OTOA: variants seen among roughly 807,000 people sequenced by gnomAD.
OTOA encodes the protein cancer/testis antigen 108.
A neutral mutation model predicts 110.8 loss-of-function variants in OTOA; 70 were observed. That is an observed-to-expected ratio of 0.63 (90% CI 0.52 to 0.77). The LOEUF (loss-of-function observed/expected upper bound fraction) is 0.77, where lower values mean the gene tolerates loss of function less well. Ranked by LOEUF, OTOA falls within the 30% of genes least tolerant of loss-of-function variation. The pLI is 0.00. For missense variants in OTOA, 917 were observed against 1,075.8 expected (o/e 0.85, Z 2.06); for synonymous variants, 373 against 431.5 (o/e 0.86, Z 1.68).
intron 9 of OTOA, 95 bp from the exon 10 acceptor site, chr16:21,697,680 G>C: frequency 9.0e-7 from 1 of 1,111,948 alleles, no homozygotes; most frequent in Non-Finnish European, 1.4e-6. Flanking sequence ...CAAGAAGTAG[G>C]TCTTGACAGC....
In OTOA at chr16:21,719,204, A is replaced by G. The variant is rs375660340; in HGVS notation, c.1688+13A>G. 11 of 1,613,964 alleles carry G rather than the reference A, an allele frequency of 6.8e-6. No individual in the cohort carries two copies. The African/African-American group carries it at 1.2e-4, about 18-fold the overall frequency. ...AGGAGCTTTTGAGGTAGGAAAATGTAACTCGGCCTGGGTGCTGAACAGGCC... is the reference window on the plus strand; with the variant it reads ...AGGAGCTTTTGAGGTAGGAAAATGTGACTCGGCCTGGGTGCTGAACAGGCC... On this transcript the variant is annotated intron_variant, in intron 16 of 28. Transcript: ENST00000646100.
intron 21 of OTOA, among the ~76,000 whole-genome samples, chr16:21,732,677 A>G (rs1328948334): frequency 1.3e-5 from 2 of 152,128 alleles, no homozygotes; most frequent in South Asian, 2.1e-4. Flanking sequence ...AGAGTTAAAA[A>G]AAAACCCAGA....
intron 13 of OTOA, among the ~76,000 whole-genome samples, chr16:21,710,348 A>G (rs1237216082): frequency 6.6e-6 from 1 of 152,040 alleles, no homozygotes; most frequent in Non-Finnish European, 1.5e-5. Flanking sequence ...ACCACATGAG[A>G]GCAAGCTCTC....
intron 6 of OTOA, among the ~76,000 whole-genome samples, chr16:21,683,268 C>T (rs1175784796): frequency 6.6e-6 from 1 of 152,168 alleles, no homozygotes; most frequent in East Asian, 1.9e-4. Flanking sequence ...TTACTGTGTG[C>T]TAGCAACTAT....
chr16:21,708,156 G>A (rs1424517921), intron 12 of OTOA, among the ~76,000 whole-genome samples: 1 of 152,114 alleles, frequency 6.6e-6, no homozygotes, highest in Non-Finnish European at 1.5e-5. Flanking sequence ...TCACCATAAT[G>A]TGAAATCAGT....
At chr16:21,719,684 C>G (rs1452394775) in intron 17 of OTOA, among the ~76,000 whole-genome samples, 180 bp downstream of exon 17, 1 of 152,174 alleles carries the variant, frequency 6.6e-6, no homozygotes, top group East Asian at 1.9e-4. Context: ...CAAATACCCA[C>G]ATCACTACAG....
At chr16:21,736,740 A>G (rs1349767220) in intron 22 of OTOA, among the ~76,000 whole-genome samples, 1 of 152,118 alleles carries the variant, frequency 6.6e-6, no homozygotes, top group Non-Finnish European at 1.5e-5. Flanking sequence ...CTGAGACACG[A>G]GGATTGCTTG....
At chr16:21,679,684 T>A (rs1000213672) in intron 5 of OTOA, among the ~76,000 whole-genome samples, 34 of 152,096 alleles carry the variant, frequency 2.2e-4, no homozygotes, top group African/African-American at 7.7e-4. Flanking sequence ...GGATTACAGG[T>A]GTGAGCCACC....
chr16:21,670,291 A>G (rs1758057037), intron 1 of OTOA, among the ~76,000 whole-genome samples: 1 of 151,966 alleles, frequency 6.6e-6, no homozygotes, highest in African/African-American at 2.4e-5. Context: ...TCCTACTGTT[A>G]TATCCTCTTC....
At chr16:21,717,544 A>C (rs1243600126) in intron 15 of OTOA, among the ~76,000 whole-genome samples, 2 of 152,160 alleles carry the variant, frequency 1.3e-5, no homozygotes, top group Non-Finnish European at 2.9e-5. Flanking sequence ...CATGTGCGAA[A>C]TGGGGATAAT....
chr16:21,670,963 C>A (rs1411900634), intron 1 of OTOA, among the ~76,000 whole-genome samples: 1 of 151,914 alleles, frequency 6.6e-6, no homozygotes, highest in Non-Finnish European at 1.5e-5. Context: ...ACAGATGGCC[C>A]GGGCAGGAAC....
intron 10 of OTOA, among the ~76,000 whole-genome samples, chr16:21,700,043 T>A (rs1359140929): frequency 6.6e-6 from 1 of 152,110 alleles, no homozygotes; most frequent in Non-Finnish European, 1.5e-5. Flanking sequence ...TAGATAGATA[T>A]GAGTCCTGTA....
intron 10 of OTOA, among the ~76,000 whole-genome samples, chr16:21,698,452 A>G (rs1359120656): frequency 6.6e-6 from 1 of 152,208 alleles, no homozygotes; most frequent in Non-Finnish European, 1.5e-5. Flanking sequence ...TCCCTTGGGC[A>G]TCATGATTCT....
intron 11 of OTOA, among the ~76,000 whole-genome samples, chr16:21,703,400 C>T (rs1217213103): frequency 2.0e-5 from 3 of 152,066 alleles, no homozygotes; most frequent in Non-Finnish European, 2.9e-5. Context: ...TAGCTTATTG[C>T]ACTTAGCATA....
chr16:21,709,796 G>C (rs1313855491), intron 12 of OTOA, 92 bp from the exon 13 acceptor site: 2 of 1,096,990 alleles, frequency 1.8e-6, no homozygotes, highest in Non-Finnish European at 2.8e-6. Context: ...GTCAAGGGAG[G>C]TGCTGTGGAG....
At position 21,752,277 on chromosome 16, in the gene OTOA, G is replaced by A; in HGVS notation, c.2919-92G>A. 7.3e-6 allele frequency: 6 copies of A among 819,162 alleles called. 1 individual carries two copies. The highest frequency in any genetic ancestry group is 3.1e-5 in the South Asian group (2 of 65,270). The allele number at this position is 819,162 out of a possible 1,614,324, so 50.7% of individuals were successfully genotyped here. A position where few individuals can be genotyped will look rare whatever the true frequency, so the allele number is the denominator to read the frequency against. On this transcript the variant is annotated intron_variant, in intron 25 of 28. Coordinates refer to ENST00000646100, the MANE Select transcript of OTOA (RefSeq NM_144672.4). Reference sequence around the variant, plus strand: ...GCTGAGCCTACTGTGCAGTGTGTGTGTGTATGTGTGTGTGTGTGTGTGTGT... The same window carrying A: ...GCTGAGCCTACTGTGCAGTGTGTGTATGTATGTGTGTGTGTGTGTGTGTGT...
chr16:21,675,063 G>GTCTTTCTT (rs199797416), intron 1 of OTOA, among the ~76,000 whole-genome samples: 6,128 of 123,180 alleles, frequency 0.05, 206 homozygotes, highest in Non-Finnish European at 0.067. Flanking sequence ...TTTTCTTTCT[G>GTCTTTCTT]TCTTTCTTTC....
intron 6 of OTOA, among the ~76,000 whole-genome samples, chr16:21,683,011 T>A (rs1406719173): frequency 6.6e-6 from 1 of 152,176 alleles, no homozygotes; most frequent in East Asian, 1.9e-4. Flanking sequence ...TGGATACTCA[T>A]GAGATGTATC....
chr16:21,718,098 C>T (rs1898611553), intron 15 of OTOA, among the ~76,000 whole-genome samples: 1 of 152,136 alleles, frequency 6.6e-6, no homozygotes, highest in Admixed American at 6.6e-5. Context: ...GCTGGGATTA[C>T]AGGCACACAC....
Sources: allele counts gnomAD v4.1 joint callset (sites outside exome capture counted in the v4.1 genomes callset), GRCh38; gene constraint gnomAD v4.1.1; transcripts MANE v1.5; gene names NCBI Gene and HGNC (gene_info 2026-07-23, HGNC 2026-07-21).